The following LPCAT3 variants were observed in gnomAD, a reference collection of about 807,000 sequenced individuals.
The protein encoded by LPCAT3 is lysophospholipid acyltransferase 5.
LPCAT3 carries 21 observed loss-of-function variants against 63.4 expected under a neutral mutation model. That is an observed-to-expected ratio of 0.33 (90% confidence interval 0.23 to 0.48). The LOEUF is 0.48. LPCAT3 is among the 20% of genes least tolerant of loss of function. The pLI is 0.99. For synonymous variants in LPCAT3, 242 were observed against 227.5 expected, an observed-to-expected ratio of 1.06 and a Z score of -0.58; for missense variants, 451 against 590.6, an observed-to-expected ratio of 0.76 and a Z score of 2.45.
At position 6,978,949 on chromosome 12, in the gene LPCAT3, T is replaced by C. The variant is rs1043980921; in HGVS notation, c.787-260A>G. On this transcript the variant is annotated intron_variant, in intron 7 of 12. Transcript: ENST00000261407. ...TTAACTTCTCTACTGTTTGCCTTCG[T>C]TGGCAAAGTGTTTGGAATGAGCATT... 8 of 460,970 alleles carry C rather than the reference T, an allele frequency of 1.7e-5. No individual in the cohort carries two copies. The Middle Eastern group carries it at 1.7e-3, about 99-fold the overall frequency. 28.6% of individuals were successfully genotyped at this position (460,970 alleles called of 1,614,324 possible).
chr12:6,981,026 T>C lies in LPCAT3; in HGVS notation c.655A>G (p.Ile219Val), dbSNP rs781900432. ...MKLVQGELID[I>V]PGKIPNSIIP... ...TACCTGTTTGGTATCTTTCCTGGTA[T>C]GTCAATCAGCTCTCCCTGCACCAGC... The change falls in exon 6 of 13, where the codon ATA (isoleucine) becomes GTA (valine). Residue 219 changes from isoleucine to valine, a missense_variant. Ile to Val is a conservative substitution (Grantham distance 29). This residue lies in a region of LPCAT3 where 304 missense variants were observed against 390.8 expected (regional missense o/e 0.78). Coordinates refer to ENST00000261407, the MANE Select transcript of LPCAT3 (RefSeq NM_005768.6). 3.7e-6 allele frequency: 6 copies of C among 1,602,046 alleles called. No individual in the cohort carries two copies. The African/African-American group carries it at 8.1e-5, about 22-fold the overall frequency.
rs747449590 is a variant in LPCAT3 at position 7,008,488 on chromosome 12, C to T, written c.151+9786G>A. Among the ~76,000 whole-genome samples, 192 of 152,272 alleles carry T rather than the reference C, an allele frequency of 1.3e-3. 1 individual carries two copies. The highest frequency in any genetic ancestry group is 2.5e-3 in the South Asian group (12 of 4,826). Reference sequence around the variant, plus strand: ...TAAAGCTACAAGTCACAATTTATTACTTATATTAAGAAACGTAAGGAGATC... The same window carrying T: ...TAAAGCTACAAGTCACAATTTATTATTTATATTAAGAAACGTAAGGAGATC... On this transcript the variant is annotated intron_variant, in intron 1 of 12. Transcript: ENST00000261407.
chr12:6,979,256 G>A, intron 7 of LPCAT3: 1 of 576,824 alleles, frequency 1.7e-6, no homozygotes, highest in Non-Finnish European at 3.1e-6. Flanking sequence ...TGCTAAATGT[G>A]CACCTGGCAC....
At position 6,981,800 on chromosome 12, in the gene LPCAT3, C is replaced by T; in HGVS notation, c.460+11G>A. The T allele has an allele frequency of 1.2e-6, 2 of 1,606,014 alleles. No individual in the cohort carries two copies. The highest frequency in any genetic ancestry group is 2.2e-5 in the East Asian group (1 of 44,848). On this transcript the variant is annotated intron_variant, in intron 4 of 12. Transcript: ENST00000261407. ...TACATGTAAGGAAGGCAGGCAGTGA[C>T]CATCACTCACCAATCAGCTTCAAAG...
chr12:6,978,569 C>A (rs1946435880), intron 8 of LPCAT3, 34 bp downstream of exon 8: 1 of 1,613,580 alleles, frequency 6.2e-7, no homozygotes, highest in Admixed American at 1.7e-5. Flanking sequence ...CATGGCTTGT[C>A]TAAATAGGAC....
At chr12:7,001,384 A>T (rs1308204106) in intron 1 of LPCAT3, 4 of 447,366 alleles carry the variant, frequency 8.9e-6, no homozygotes, top group Non-Finnish European at 1.8e-5. Context: ...TCCTAGATTT[A>T]AAAAAAATAA....
At chr12:6,978,874 A>G (rs1302307239) in intron 7 of LPCAT3, 185 bp from the exon 8 acceptor site, 9 of 755,140 alleles carry the variant, frequency 1.2e-5, no homozygotes, top group Non-Finnish European at 1.9e-5. Flanking sequence ...GAGGGCCTGG[A>G]GAATATTCAT....
At chr12:6,996,286 C>T (rs1365033492) in intron 1 of LPCAT3, among the ~76,000 whole-genome samples, 1 of 152,214 alleles carries the variant, frequency 6.6e-6, no homozygotes, top group Non-Finnish European at 1.5e-5. Flanking sequence ...TCCTACACCT[C>T]AGGTCCTTTG....
intron 1 of LPCAT3, among the ~76,000 whole-genome samples, chr12:6,993,904 G>A (rs781855662): frequency 6.6e-6 from 1 of 152,014 alleles, no homozygotes; most frequent in Admixed American, 6.6e-5. Context: ...GAGCCACTAC[G>A]CCCAGCCTGG....
At chr12:6,978,813 C>T in intron 7 of LPCAT3, 124 bp from the exon 8 acceptor site, 1 of 1,391,136 alleles carries the variant, frequency 7.2e-7, no homozygotes, top group African/African-American at 1.4e-5. Flanking sequence ...TGCCAGATGC[C>T]CTCAATAGTC....
intron 6 of LPCAT3, 121 bp downstream of exon 6, chr12:6,980,883 C>G: frequency 1.0e-6 from 1 of 982,558 alleles, no homozygotes; most frequent in Non-Finnish European, 1.5e-6. Flanking sequence ...TACAACAGTC[C>G]AGGGCCTGCA....
chr12:6,998,279 G>T (rs1293471625), intron 1 of LPCAT3, among the ~76,000 whole-genome samples: 1 of 152,242 alleles, frequency 6.6e-6, no homozygotes, highest in Non-Finnish European at 1.5e-5. Flanking sequence ...GCCTCACAAA[G>T]TATTGGCATT....
chr12:6,978,134 T>C, intron 9 of LPCAT3: 1 of 636,066 alleles, frequency 1.6e-6, no homozygotes, highest in South Asian at 2.0e-5. Flanking sequence ...CTTAACGCAC[T>C]TTTATATCTT....
chr12:7,002,539 ACTT>A (rs1489439610), intron 1 of LPCAT3, among the ~76,000 whole-genome samples: 6 of 152,172 alleles, frequency 3.9e-5, no homozygotes, highest in Non-Finnish European at 7.3e-5. Flanking sequence ...ATGTGGTGAG[ACTT>A]CTTCTCAGGA....
chr12:6,992,852 T>C (rs1447967525), intron 1 of LPCAT3, among the ~76,000 whole-genome samples: 2 of 152,246 alleles, frequency 1.3e-5, no homozygotes, highest in South Asian at 2.1e-4. Context: ...TTATATAATA[T>C]GGTGTAGTAT....
chr12:7,014,459 A>C (rs961900100), intron 1 of LPCAT3, among the ~76,000 whole-genome samples: 2 of 152,168 alleles, frequency 1.3e-5, no homozygotes, highest in Non-Finnish European at 2.9e-5. Flanking sequence ...GCATCCTTCC[A>C]TCAAACTCCT....
rs782633497 is a variant in LPCAT3, at chr12:7,014,727, T to C, written c.151+3547A>G. On this transcript the variant is annotated intron_variant, in intron 1 of 12. Coordinates refer to ENST00000261407, the MANE Select transcript of LPCAT3 (RefSeq NM_005768.6). ...CTAGCCAACATGGTGAAACCCCGTC[T>C]CTACTAAAAACACAAAAATTAGCCG... Among the ~76,000 whole-genome samples, 3 of 151,988 alleles carry C rather than the reference T, an allele frequency of 2.0e-5. No homozygotes were observed. In the South Asian group the frequency reaches 6.2e-4, roughly 32 times the overall value.
At position 6,978,362 on chromosome 12, in the gene LPCAT3, T is replaced by C; in HGVS notation, c.1019A>G (p.Asn340Ser). Residue 340 changes from asparagine (N) to serine (S), a missense_variant, in exon 9 of 13, where the codon AAC becomes AGC. Around this residue, in one of 3 missense-constraint regions of LPCAT3, gnomAD observed 304 missense variants for 390.8 expected, o/e 0.78. Transcript: ENST00000261407. The part of the protein sequence containing the change: ...FTGTIASFNI[N>S]TNAWVARYIF... ...TCACCGGGCCACCCAGGCGTTGGTG[T>C]TGATGTTGAATGAGGCAATGGTGCC... 6.2e-7 allele frequency: 1 copy of C among 1,612,444 alleles called. No individual in the cohort carries two copies. Among genetic ancestry groups the C allele is most frequent in the African/African-American group, 1.3e-5 (1 of 74,844 alleles).
At chr12:7,011,647 C>CAAAAA (rs1177972639) in intron 1 of LPCAT3, among the ~76,000 whole-genome samples, 9 of 75,586 alleles carry the variant, frequency 1.2e-4, no homozygotes, top group South Asian at 4.8e-4. Context: ...CACCATGTCT[C>CAAAAA]AAAAAAAAAA....
Sources: allele counts gnomAD v4.1 joint callset (sites outside exome capture counted in the v4.1 genomes callset), GRCh38; gene constraint gnomAD v4.1.1; regional missense constraint gnomAD v4.1.1; transcripts MANE v1.5; gene names NCBI Gene and HGNC (gene_info 2026-07-23, HGNC 2026-07-21).